The following MGAT4C variants were observed in gnomAD, a reference collection of about 807,000 sequenced individuals.
MGAT4C encodes the protein MGAT4 family member C.
Under a neutral mutation model 40.1 loss-of-function variants are expected in MGAT4C, and 19 were observed. The ratio of observed to expected loss-of-function variants is 0.47; its 90% CI spans 0.33 to 0.70. The LOEUF (loss-of-function observed/expected upper bound fraction) is 0.70. MGAT4C is among the 30% of genes least tolerant of loss of function. The pLI, the probability that MGAT4C is intolerant of heterozygous loss-of-function variation, is 0.02. For synonymous variants in MGAT4C, 181 were observed against 187.1 expected (o/e 0.97, Z 0.27); for missense variants, 491 against 563.2 (o/e 0.87, Z 1.30).
At position 86,441,645 on chromosome 12, in the gene MGAT4C, G is replaced by A. The variant is rs141673024; in HGVS notation, c.-228-6380C>T. On this transcript the variant is annotated intron_variant, in intron 2 of 7. Transcript: ENST00000548651. ...AGTTTGCTGAGAATGATGGTTTCCA[G>A]TTTCATCCATGTCCCTACAAAGGAC... Among the ~76,000 whole-genome samples the A allele has an allele frequency of 2.4e-4, 37 of 151,840 alleles. 2 individuals are homozygous for A. In the East Asian group the frequency reaches 7.2e-3, roughly 30 times the overall value.
intron 2 of MGAT4C, among the ~76,000 whole-genome samples, chr12:86,492,764 A>G (rs1958163330): frequency 6.6e-6 from 1 of 152,154 alleles, no homozygotes; most frequent in Non-Finnish European, 1.5e-5. Context: ...AAAACACCAA[A>G]AGCAATGGCA....
intron 1 of MGAT4C, among the ~76,000 whole-genome samples, chr12:86,802,997 C>T (rs1952263246): frequency 1.6e-5 from 2 of 125,860 alleles, no homozygotes; most frequent in Admixed American, 8.3e-5. Flanking sequence ...AGGCATCACA[C>T]TACCTGACTT....
At chr12:86,166,971 G>T (rs557892877) in intron 1 of MGAT4C, among the ~76,000 whole-genome samples, 1 of 152,218 alleles carries the variant, frequency 6.6e-6, no homozygotes, top group Admixed American at 6.5e-5. Flanking sequence ...AACTTCATTT[G>T]CTGACTTTGA....
intron 2 of MGAT4C, among the ~76,000 whole-genome samples, chr12:86,475,322 C>T (rs893679855): frequency 8.6e-5 from 13 of 151,586 alleles, no homozygotes; most frequent in South Asian, 4.2e-4. Flanking sequence ...AATTTGGTTG[C>T]GAAATGGTCA....
intron 2 of MGAT4C, among the ~76,000 whole-genome samples, chr12:86,668,094 T>A (rs1964160259): frequency 6.6e-6 from 1 of 152,228 alleles, no homozygotes; most frequent in African/African-American, 2.4e-5. Flanking sequence ...ATATTACTTC[T>A]ATATCTTTGT....
chr12:86,130,249 A>G (rs1376823915), intron 1 of MGAT4C, among the ~76,000 whole-genome samples: 2 of 148,830 alleles, frequency 1.3e-5, no homozygotes, highest in Non-Finnish European at 3.0e-5. Flanking sequence ...GTTGGTTAGT[A>G]CTGACTAATA....
intron 1 of MGAT4C, among the ~76,000 whole-genome samples, chr12:86,834,760 A>G (rs1953002552): frequency 6.6e-6 from 1 of 151,950 alleles, no homozygotes; most frequent in Admixed American, 6.6e-5. Context: ...ATGAAGTCAG[A>G]TGCCTAACAT....
intron 2 of MGAT4C, among the ~76,000 whole-genome samples, chr12:85,998,460 G>A (rs1340194411): frequency 2.0e-5 from 3 of 152,136 alleles, no homozygotes; most frequent in Non-Finnish European, 4.4e-5. Context: ...GCATTGTCAA[G>A]CTGCAAATTT....
chr12:85,998,372 T>A (rs1886886727), intron 2 of MGAT4C, among the ~76,000 whole-genome samples: 1 of 152,216 alleles, frequency 6.6e-6, no homozygotes, highest in Non-Finnish European at 1.5e-5. Flanking sequence ...GGTGATTACA[T>A]TCTGCTCCTC....
chr12:86,710,069 C>T (rs1950530799), intron 2 of MGAT4C, among the ~76,000 whole-genome samples: 2 of 152,094 alleles, frequency 1.3e-5, no homozygotes, highest in Non-Finnish European at 2.9e-5. Flanking sequence ...CTAATTTCTA[C>T]TTCTATCCCC....
intron 2 of MGAT4C, among the ~76,000 whole-genome samples, chr12:86,545,996 T>G (rs1959190979): frequency 6.6e-6 from 1 of 151,960 alleles, no homozygotes; most frequent in African/African-American, 2.4e-5. Context: ...CAGAAACATT[T>G]TAAAGGTTAT....
intron 1 of MGAT4C, among the ~76,000 whole-genome samples, chr12:86,780,031 G>GCTGT (rs1951811259): frequency 6.6e-6 from 1 of 151,916 alleles, no homozygotes; most frequent in Non-Finnish European, 1.5e-5. Context: ...CCTATAAAAT[G>GCTGT]AAATAATATA....
chr12:86,274,635 G>A (rs1025727148), intron 4 of MGAT4C, among the ~76,000 whole-genome samples: 1 of 152,120 alleles, frequency 6.6e-6, no homozygotes, highest in Admixed American at 6.5e-5. Context: ...CAGATGGAAT[G>A]TTCCATAATT....
chr12:86,559,734 CA>C (rs1959777345), intron 2 of MGAT4C, among the ~76,000 whole-genome samples: 1 of 151,642 alleles, frequency 6.6e-6, no homozygotes, highest in African/African-American at 2.4e-5. Context: ...TGATGTATCT[CA>C]AAAAACAAGA....
In MGAT4C at chr12:86,836,793, A is replaced by G. The variant is rs367825643; in HGVS notation, c.-262+1873T>C. Among the ~76,000 whole-genome samples the G allele has an allele frequency of 7.9e-5, 12 of 152,174 alleles. No homozygotes were observed. The East Asian group carries it at 1.9e-3, about 24-fold the overall frequency. On this transcript the variant is annotated intron_variant, in intron 1 of 7. Coordinates refer to the MGAT4C transcript ENST00000548651. Reference sequence around the variant, plus strand: ...GCTAAACTTCTATTCTAGCTCCTCCATACCCAAACATGAAGTGACTATTTC... The same window carrying G: ...GCTAAACTTCTATTCTAGCTCCTCCGTACCCAAACATGAAGTGACTATTTC...
At chr12:86,681,419 C>T (rs1261607393) in intron 2 of MGAT4C, among the ~76,000 whole-genome samples, 1 of 151,802 alleles carries the variant, frequency 6.6e-6, no homozygotes, top group Non-Finnish European at 1.5e-5. Context: ...TGAAAGCTTA[C>T]CTACATTGTT....
intron 4 of MGAT4C, among the ~76,000 whole-genome samples, chr12:86,332,652 TTG>T (rs925560111): frequency 3.3e-5 from 5 of 151,890 alleles, no homozygotes; most frequent in Admixed American, 2.0e-4. Context: ...AGGTTTTTTT[TTG>T]TGTGTGTGTG....
chr12:86,681,502 T>C (rs748314941), intron 2 of MGAT4C, among the ~76,000 whole-genome samples: 68 of 151,986 alleles, frequency 4.5e-4, no homozygotes, highest in South Asian at 1.0e-3. Flanking sequence ...ATAAATTTCA[T>C]CCACCCACTC....
chr12:86,794,239 CTTT>C (rs1952074847), intron 1 of MGAT4C, among the ~76,000 whole-genome samples: 1 of 151,482 alleles, frequency 6.6e-6, no homozygotes, highest in Non-Finnish European at 1.5e-5. Context: ...ACTGTATGTT[CTTT>C]TTAACATTTT....
Sources: gnomAD v4.1 joint callset for allele counts (sites outside exome capture counted in the v4.1 genomes callset) on GRCh38, gnomAD v4.1.1 for gene constraint, MANE v1.5 for transcripts, NCBI Gene and HGNC (gene_info 2026-07-23, HGNC 2026-07-21) for gene names.